ZNF529: variants seen among roughly 807,000 people sequenced by gnomAD.
ZNF529 encodes zinc finger protein 529.
Under a neutral mutation model 10.1 loss-of-function variants are expected in ZNF529, and 11 were observed. That is an observed-to-expected ratio of 1.09 (90% CI 0.69 to 1.81). The LOEUF is 1.81. Ranked by LOEUF, ZNF529 falls within the 40% of genes most tolerant of loss-of-function variation. ZNF529 has a pLI of 0.00. For missense variants in ZNF529, 624 were observed against 666.8 expected, an observed-to-expected ratio of 0.94 and a Z score of 0.71; for synonymous variants, 204 against 215.7, an observed-to-expected ratio of 0.95 and a Z score of 0.47.
At chr19:36,577,024 C>A (rs929919092), upstream of ZNF529, 7 of 283,778 alleles carry the variant, frequency 2.5e-5, no homozygotes, top group Non-Finnish European at 5.0e-5. Context: ...ACAATCTTGG[C>A]TCACTGCAGC....
At chr19:36,587,716 G>A (rs1308789066) in intron 2 of ZNF529, among the ~76,000 whole-genome samples, 2 of 152,118 alleles carry the variant, frequency 1.3e-5, no homozygotes, top group Non-Finnish European at 1.5e-5. Context: ...TTACAGGGAC[G>A]AACCTTCAAA....
intron 2 of ZNF529, among the ~76,000 whole-genome samples, chr19:36,564,381 C>T (rs1600289976): frequency 6.6e-6 from 1 of 152,128 alleles, no homozygotes; most frequent in Non-Finnish European, 1.5e-5. Flanking sequence ...CCAGAATCTA[C>T]AAGGAATTTA....
chr19:36,579,232 G>C (rs1171427062), intron 2 of ZNF529, among the ~76,000 whole-genome samples: 1 of 151,752 alleles, frequency 6.6e-6, no homozygotes, highest in Non-Finnish European at 1.5e-5. Flanking sequence ...GTGTGAATTA[G>C]AAATTCTAAG....
chr19:36,557,339 T>C (rs1417128546), intron 2 of ZNF529, among the ~76,000 whole-genome samples: 1 of 152,206 alleles, frequency 6.6e-6, no homozygotes, highest in East Asian at 1.9e-4. Context: ...TATAAGGATA[T>C]ACCCAAGACT....
chr19:36,548,374 T>C (rs949923073), intron 4 of ZNF529, 52 bp from the exon 5 acceptor site: 128 of 1,443,560 alleles, frequency 8.9e-5, no homozygotes, highest in African/African-American at 5.2e-4. Context: ...AAAACAGTTA[T>C]AGAAAGAAGA....
At chr19:36,571,417 G>A (rs1346895774) in intron 2 of ZNF529, among the ~76,000 whole-genome samples, 1 of 152,146 alleles carries the variant, frequency 6.6e-6, no homozygotes, top group Non-Finnish European at 1.5e-5. Flanking sequence ...GCTCACGCCT[G>A]TAATCCCAGC....
At chr19:36,560,174 A>G (rs2035628720) in intron 2 of ZNF529, among the ~76,000 whole-genome samples, 3 of 151,294 alleles carry the variant, frequency 2.0e-5, no homozygotes, top group Non-Finnish European at 4.4e-5. Flanking sequence ...GAACAATCAC[A>G]TGAACCCAGG....
chr19:36,554,478 T>C (rs546353531), intron 4 of ZNF529, among the ~76,000 whole-genome samples, 192 bp downstream of exon 4: 30 of 152,264 alleles, frequency 2.0e-4, no homozygotes, highest in Non-Finnish European at 2.8e-4. Flanking sequence ...CTCTGGAGGC[T>C]GAGGCAGAAG....
chr19:36,546,333 A>AT lies in ZNF529; in HGVS notation c.*532dup, dbSNP rs1338179081. The AT allele has an allele frequency of 6.6e-6, 1 of 152,080 alleles. No homozygotes were observed. Among genetic ancestry groups the AT allele is most frequent in the Non-Finnish European group, 1.5e-5 (1 of 68,158 alleles). 9.4% of individuals were successfully genotyped at this position (152,080 alleles called of 1,614,324 possible). A position where few individuals can be genotyped will look rare whatever the true frequency, so the allele number is the denominator to read the frequency against. On this transcript the variant is annotated 3_prime_UTR_variant, in exon 5 of 5. Coordinates refer to ENST00000591340, the MANE Select transcript of ZNF529 (RefSeq NM_020951.5). The stretch of plus-strand genomic sequence containing the variant: ...TATGTTGTATCAAAATAAAGTAGAA[A>AT]TTTAAAGAGAAGTCAACAATTGGAT...
intron 4 of ZNF529, among the ~76,000 whole-genome samples, chr19:36,553,357 G>C (rs926767899): frequency 1.3e-5 from 2 of 151,846 alleles, no homozygotes; most frequent in Non-Finnish European, 2.9e-5. Context: ...GGTTGGTCGC[G>C]AACTCCTGAG....
intron 4 of ZNF529, among the ~76,000 whole-genome samples, chr19:36,553,738 A>C (rs1304718996): frequency 6.6e-6 from 1 of 152,214 alleles, no homozygotes; most frequent in Non-Finnish European, 1.5e-5. Context: ...TATTTATAGC[A>C]ATTCTGACCT....
chr19:36,578,291 C>CT (rs1159725232), upstream of ZNF529, among the ~76,000 whole-genome samples: 311 of 31,776 alleles, frequency 9.8e-3, 109 homozygotes, highest in East Asian at 0.046. Context: ...GTCTTGATCT[C>CT]TTTTTTTTTT....
intron 1 of ZNF529, among the ~76,000 whole-genome samples, chr19:36,590,513 A>G (rs1385832005): frequency 6.6e-6 from 1 of 152,230 alleles, no homozygotes; most frequent in African/African-American, 2.4e-5. Flanking sequence ...TTAAAAGGCT[A>G]GAAAAGGAAA....
intron 2 of ZNF529, chr19:36,581,646 G>A (rs1425014711): frequency 6.6e-6 from 1 of 152,256 alleles, no homozygotes; most frequent in Non-Finnish European, 1.5e-5. Context: ...ACATGGATAT[G>A]AGTTCATCCT....
intron 2 of ZNF529, among the ~76,000 whole-genome samples, chr19:36,584,104 G>C (rs1405067053): frequency 1.3e-5 from 2 of 151,976 alleles, no homozygotes. Context: ...ATCTTGAAAA[G>C]AAGGAAGGGA....
At chr19:36,599,681 A>G (rs979242766) in intron 1 of ZNF529, among the ~76,000 whole-genome samples, 1 of 152,190 alleles carries the variant, frequency 6.6e-6, no homozygotes, top group African/African-American at 2.4e-5. Flanking sequence ...ATTTTTTTCA[A>G]TTAGACTGCA....
chr19:36,586,673 C>T (rs1464884759), intron 2 of ZNF529, among the ~76,000 whole-genome samples: 1 of 151,886 alleles, frequency 6.6e-6, no homozygotes, highest in East Asian at 1.9e-4. Flanking sequence ...GAATTGAGAA[C>T]ACTCAGTGAA....
chr19:36,602,501 G>C (rs2036942644), intron 1 of ZNF529, among the ~76,000 whole-genome samples: 1 of 150,642 alleles, frequency 6.6e-6, no homozygotes, highest in South Asian at 2.1e-4. Flanking sequence ...CAGTTCACAA[G>C]CCATACAAAA....
At position 36,546,781 on chromosome 19, in the gene ZNF529, C is replaced by A; in HGVS notation, c.*85G>T. 1.4e-6 allele frequency: 2 copies of A among 1,415,940 alleles called. No individual in the cohort carries two copies. The highest frequency in any genetic ancestry group is 2.3e-5 in the East Asian group (1 of 43,512). The allele number at this position is 1,415,940 out of a possible 1,614,324, so 87.7% of individuals were successfully genotyped here. A position where few individuals can be genotyped will look rare whatever the true frequency, so the allele number is the denominator to read the frequency against. On this transcript the variant is annotated 3_prime_UTR_variant, in exon 5 of 5. Transcript: ENST00000591340. ...AAACAGACTTTAAGAGAGGGAGATA[C>A]TGAATTGCCTTGATTACCTATTAAA...
Sources: gnomAD v4.1 joint callset for allele counts (sites outside exome capture counted in the v4.1 genomes callset) on GRCh38, gnomAD v4.1.1 for gene constraint, MANE v1.5 for transcripts, NCBI Gene and HGNC (gene_info 2026-07-23, HGNC 2026-07-21) for gene names.